GALNT13: variants seen among roughly 807,000 people sequenced by gnomAD.
GALNT13 encodes UDP-GalNAc:polypeptide N-acetylgalactosaminyltransferase 13.
A neutral mutation model predicts 64.2 loss-of-function variants in GALNT13; 28 were observed. The observed-to-expected ratio is 0.44, with a 90% CI of 0.32 to 0.60. The LOEUF (loss-of-function observed/expected upper bound fraction) is 0.60, where lower values mean the gene tolerates loss of function less well. Ranked by LOEUF, GALNT13 falls within the 20% of genes least tolerant of loss-of-function variation. The pLI is 0.05. For synonymous variants in GALNT13, 214 were observed against 224.6 expected (o/e 0.95, Z 0.42); for missense variants, 577 against 669.8 (o/e 0.86, Z 1.53).
At chr2:153,193,120 A>G in the GALNT13 span, among the ~76,000 whole-genome samples, 1 of 151,990 alleles carries the variant, frequency 6.6e-6, no homozygotes, top group Non-Finnish European at 1.5e-5. Flanking sequence ...ATAACATTTG[A>G]ATCATGCTGC....
chr2:153,416,697 G>A, the GALNT13 span, among the ~76,000 whole-genome samples: 1 of 152,084 alleles, frequency 6.6e-6, no homozygotes, highest in Non-Finnish European at 1.5e-5. Flanking sequence ...TCTGCTGATT[G>A]TATTAGTTGA....
the GALNT13 span, among the ~76,000 whole-genome samples, chr2:153,746,912 C>T: frequency 2.6e-5 from 4 of 152,016 alleles, no homozygotes; most frequent in East Asian, 1.9e-4. Context: ...TTGCTCAAGG[C>T]TTTTGTTCAT....
chr2:153,608,386 T>G, the GALNT13 span, among the ~76,000 whole-genome samples: 30 of 152,172 alleles, frequency 2.0e-4, no homozygotes, highest in Admixed American at 3.3e-4. Flanking sequence ...GCAATAAGAT[T>G]ATGTGGCAAC....
At chr2:154,129,411 CCCCATG>C (rs1682484822) in intron 3 of GALNT13, among the ~76,000 whole-genome samples, 1 of 152,100 alleles carries the variant, frequency 6.6e-6, no homozygotes, top group African/African-American at 2.4e-5. Context: ...AGAAAGTCAA[CCCCATG>C]CCCAGCATGA....
At chr2:154,236,138 C>T (rs1249888111) in intron 4 of GALNT13, 73 of 1,125,670 alleles carry the variant, frequency 6.5e-5, no homozygotes, top group Non-Finnish European at 7.3e-5. Context: ...TCCCTGCTTT[C>T]GTGACAGTAA....
At chr2:153,270,888 T>C in the GALNT13 span, among the ~76,000 whole-genome samples, 1 of 151,858 alleles carries the variant, frequency 6.6e-6, no homozygotes, top group Non-Finnish European at 1.5e-5. Context: ...TTGTGATTGT[T>C]AAAAAGTAGC....
the GALNT13 span, among the ~76,000 whole-genome samples, chr2:153,330,918 A>G: frequency 2.0e-5 from 3 of 152,276 alleles, no homozygotes; most frequent in East Asian, 5.8e-4. Context: ...TGGGTTTGTC[A>G]TAGATGGCTC....
intron 4 of GALNT13, among the ~76,000 whole-genome samples, chr2:154,240,945 TGTC>T (rs902946293): frequency 1.7e-4 from 26 of 152,278 alleles, no homozygotes; most frequent in African/African-American, 6.3e-4. Flanking sequence ...CGGCCTGGGC[TGTC>T]TCCTCTGACT....
the GALNT13 span, among the ~76,000 whole-genome samples, chr2:153,500,423 A>AT: frequency 6.6e-6 from 1 of 152,168 alleles, no homozygotes; most frequent in South Asian, 2.1e-4. Flanking sequence ...GTGCATGGAG[A>AT]TTGGCTTCAG....
chr2:153,576,665 C>T, the GALNT13 span, among the ~76,000 whole-genome samples: 1 of 152,198 alleles, frequency 6.6e-6, no homozygotes, highest in Non-Finnish European at 1.5e-5. Context: ...TACTTTTTCT[C>T]TATCTTTTCA....
At chr2:153,311,537 C>T in the GALNT13 span, among the ~76,000 whole-genome samples, 123,962 of 152,164 alleles carry the variant, frequency 0.81, 51,396 homozygotes, top group Non-Finnish European at 0.86. Flanking sequence ...TGTCTCATGA[C>T]GTAATAAAAG....
chr2:153,159,885 G>A, the GALNT13 span, among the ~76,000 whole-genome samples: 1 of 152,188 alleles, frequency 6.6e-6, no homozygotes, highest in African/African-American at 2.4e-5. Flanking sequence ...CCTATACTGA[G>A]AGAACTAAAT....
chr2:153,961,455 C>T (rs574115515), intron 3 of GALNT13, among the ~76,000 whole-genome samples: 7 of 149,230 alleles, frequency 4.7e-5, no homozygotes, highest in African/African-American at 1.0e-4. Context: ...TTTTCATTCA[C>T]GTTTATATAA....
intron 9 of GALNT13, among the ~76,000 whole-genome samples, chr2:154,394,938 G>C: frequency 6.6e-6 from 1 of 152,204 alleles, no homozygotes; most frequent in Admixed American, 6.5e-5. Flanking sequence ...TGAATGATGA[G>C]TTTTGAGTGT....
chr2:153,225,996 C>T, the GALNT13 span, among the ~76,000 whole-genome samples: 243 of 151,464 alleles, frequency 1.6e-3, no homozygotes, highest in African/African-American at 5.7e-3. Context: ...TACAGTGGTG[C>T]AATCTCGGCT....
the GALNT13 span, among the ~76,000 whole-genome samples, chr2:153,764,772 A>T: frequency 6.6e-6 from 1 of 152,176 alleles, no homozygotes; most frequent in African/African-American, 2.4e-5. Flanking sequence ...GAAGTAATAA[A>T]TGGTTTTGTG....
chr2:153,566,711 A>G, the GALNT13 span, among the ~76,000 whole-genome samples: 1 of 152,216 alleles, frequency 6.6e-6, no homozygotes, highest in Non-Finnish European at 1.5e-5. Context: ...TCAAAGTACT[A>G]TAGTAGGCAA....
the GALNT13 span, among the ~76,000 whole-genome samples, chr2:153,264,149 G>A: frequency 1.3e-5 from 2 of 152,120 alleles, no homozygotes; most frequent in African/African-American, 2.4e-5. Context: ...AGACCCTTCT[G>A]AAAAGAAGAC....
chr2:153,904,166 A>G (rs891986261), intron 2 of GALNT13, among the ~76,000 whole-genome samples: 2 of 151,780 alleles, frequency 1.3e-5, no homozygotes, highest in African/African-American at 2.4e-5. Flanking sequence ...ATTAATTTTC[A>G]TTGCTATATA....
Sources: allele counts gnomAD v4.1 joint callset (sites outside exome capture counted in the v4.1 genomes callset), GRCh38; gene constraint gnomAD v4.1.1; transcripts MANE v1.5; gene names NCBI Gene and HGNC (gene_info 2026-07-23, HGNC 2026-07-21).